Variants in MXRA5 observed in about 807,000 individuals in gnomAD.
The protein encoded by MXRA5 is matrix remodeling associated 5.
A neutral mutation model predicts 112.5 loss-of-function variants in MXRA5; 41 were observed. That is an observed-to-expected ratio of 0.36 (90% CI 0.28 to 0.47). MXRA5 has a LOEUF of 0.47. Among genes scored for constraint, MXRA5 ranks in the 20% least tolerant of loss-of-function variants. MXRA5 has a pLI of 0.99. For missense variants in MXRA5, 2,150 were observed against 2,251.0 expected, an observed-to-expected ratio of 0.96 and a Z score of 0.91; for synonymous variants, 862 against 900.8, an observed-to-expected ratio of 0.96 and a Z score of 0.77.
chrX:3,312,647 G>A (rs1275885617), intron 6 of MXRA5, among the ~76,000 whole-genome samples: 1 of 107,028 alleles, frequency 9.3e-6, no homozygotes, highest in Non-Finnish European at 1.9e-5. Context: ...CTGTAGTCTC[G>A]ATCTCTTGGA....
Position 3,311,203 on chromosome X carries a change from C to T in MXRA5, c.7000G>A (p.Glu2334Lys), listed in dbSNP as rs982794710. 35 of 1,209,949 alleles carry T rather than the reference C, an allele frequency of 2.9e-5. No individual in the cohort carries two copies. The highest frequency in any genetic ancestry group is 3.5e-5 in the Non-Finnish European group (31 of 895,302). The change falls in exon 7 of 7, where the codon GAG becomes AAG. Residue 2334 changes from glutamate to lysine, a missense_variant. By Grantham distance (56) the Glu-to-Lys change is moderately conservative. Coordinates refer to ENST00000217939, the MANE Select transcript of MXRA5 (RefSeq NM_015419.4). Reference sequence around the variant, plus strand: ...ACCACCTTGACTCTGACTCTCATCTCGTCCTTCCCGACCTGATTTTCAGCA... The same window carrying T: ...ACCACCTTGACTCTGACTCTCATCTTGTCCTTCCCGACCTGATTTTCAGCA... ...CFAENQVGKD[E>K]MRVRVKVVTA... is the part of the protein sequence containing the mutation.
Position 3,321,603 on chromosome X carries a change from G to A in MXRA5, c.4082C>T (p.Thr1361Ile). Residue 1361 changes from threonine (T) to isoleucine (I), a missense_variant, in exon 5 of 7, where the codon ACT becomes ATT. Coordinates refer to ENST00000217939, the MANE Select transcript of MXRA5 (RefSeq NM_015419.4). ...GGATTCTTCCTTAAATTCTCCCATA[G>A]TGGAGACCAAGGAGCGAGAAGTTGG... ...AIPTSRSLVS[T>I]MGEFKEESSP... 8.3e-7 allele frequency: 1 copy of A among 1,210,821 alleles called. No individual in the cohort carries two copies. The highest frequency in any genetic ancestry group is 1.1e-6 in the Non-Finnish European group (1 of 894,950).
rs1230895659 is a variant in MXRA5 at position 3,317,317 on chromosome X, A to G, written c.6364T>C (p.Cys2122Arg). The G allele has an allele frequency of 3.3e-6, 4 of 1,205,572 alleles. No individual in the cohort carries two copies. The highest frequency in any genetic ancestry group is 2.2e-5 in the Admixed American group (1 of 45,712). The part of the protein sequence containing the change: ...LAPKDSGRYE[C>R]VAANLVGSAR... ...GAGCCTACCAGGTTGGCGGCCACGC[A>G]CTCATAGCGCCCGCTGTCCTTGGGC... The change falls in exon 6 of 7, where the codon TGC becomes CGC. Residue 2122 changes from cysteine to arginine, a missense_variant. Cys to Arg is a radical substitution (Grantham distance 180, BLOSUM62 -3). Around this residue, in one of 6 missense-constraint regions of MXRA5, gnomAD observed 1,485 missense variants for 1,471.6 expected, o/e 1.01. Transcript: ENST00000217939.
intron 4 of MXRA5, among the ~76,000 whole-genome samples, chrX:3,326,684 G>A (rs1335720224): frequency 1.8e-5 from 2 of 109,941 alleles, no homozygotes; most frequent in African/African-American, 6.6e-5. Context: ...GAAATCCTCT[G>A]GAATTTTCTC....
Position 3,330,132 on chromosome X carries a change from G to A in MXRA5, c.595C>T (p.Pro199Ser), listed in dbSNP as rs1177020975. The A allele has an allele frequency of 8.3e-7, 1 of 1,209,600 alleles. No individual in the cohort carries two copies. The highest frequency in any genetic ancestry group is 1.1e-6 in the Non-Finnish European group (1 of 894,374). The change falls in exon 4 of 7, where the codon CCT becomes TCT. Residue 199 changes from proline to serine, a missense_variant. This residue lies in a region of MXRA5 where 386 missense variants were observed against 411.0 expected (regional missense o/e 0.94). Transcript: ENST00000217939. ...YLAENMVRTL[P>S]ASMLRNMPLL... ...GGCATGTTCCGAAGCATGCTGGCAGGAAGAGTTCTAACCATGTTCTCTGCT... is the reference window on the plus strand; with the variant it reads ...GGCATGTTCCGAAGCATGCTGGCAGAAAGAGTTCTAACCATGTTCTCTGCT...
At chrX:3,327,948 T>C (rs976638607) in intron 4 of MXRA5, among the ~76,000 whole-genome samples, 17 of 112,897 alleles carry the variant, frequency 1.5e-4, no homozygotes, top group African/African-American at 4.8e-4. Flanking sequence ...CACAAAGACA[T>C]GCATGCGTAT....
rs934980312 is a variant in MXRA5 at position 3,324,461 on chromosome X, C to G, written c.1224G>C (p.Arg408Ser). The G allele has an allele frequency of 5.0e-6, 6 of 1,209,512 alleles. No individual in the cohort carries two copies. The highest frequency in any genetic ancestry group is 5.6e-6 in the Non-Finnish European group (5 of 895,117). ...SKDPRVSYQYRQDADEEALYY... is the reference protein window; with the variant it reads ...SKDPRVSYQYSQDADEEALYY... ...AAAGAGCTTCCTCATCAGCATCCTG[C>G]CTGTACTGGTAGCTGACTCTGGGGT... The change falls in exon 5 of 7, where the codon AGG (arginine) becomes AGC (serine). Residue 408 changes from arginine (R) to serine (S), a missense_variant. Arg to Ser is a moderately radical substitution (Grantham distance 110). Around this residue, in one of 6 missense-constraint regions of MXRA5, gnomAD observed 386 missense variants for 411.0 expected, o/e 0.94. Coordinates refer to ENST00000217939, the MANE Select transcript of MXRA5 (RefSeq NM_015419.4).
At chrX:3,327,644 C>A (rs1268537836) in intron 4 of MXRA5, among the ~76,000 whole-genome samples, 1 of 112,584 alleles carries the variant, frequency 8.9e-6, no homozygotes, top group Non-Finnish European at 1.9e-5. Context: ...TGATGAGAAT[C>A]AGCTCTAATA....
At chrX:3,346,194 C>G (rs1922104284) in intron 1 of MXRA5, among the ~76,000 whole-genome samples, 1 of 111,762 alleles carries the variant, frequency 8.9e-6, no homozygotes, top group African/African-American at 3.3e-5. Context: ...GGTTGAAGGT[C>G]TCCAGAGAGA....
At position 3,311,058 on chromosome X, in the gene MXRA5, G is replaced by C; in HGVS notation, c.7145C>G (p.Ser2382Cys). Reference protein sequence around the residue: ...GEPMPKVTWLSPTNKVIPTSS... With the variant: ...GEPMPKVTWLCPTNKVIPTSS... ...GGTGGGGATCACCTTGTTGGTTGGG[G>C]ACAACCAAGTCACCTTGGGCATGGG... Residue 2382 changes from serine to cysteine, a missense_variant, in exon 7 of 7, where the codon TCC becomes TGC. By Grantham distance (112) the Ser-to-Cys change is moderately radical. Transcript: ENST00000217939. 1.7e-6 allele frequency: 2 copies of C among 1,211,372 alleles called. No homozygotes were observed. Among genetic ancestry groups the C allele is most frequent in the Non-Finnish European group, 2.2e-6 (2 of 895,366 alleles).
Position 3,324,644 on chromosome X carries a change from C to A in MXRA5, c.1041G>T (p.Leu347Phe), listed in dbSNP as rs1479185196. Reference sequence around the variant, plus strand: ...CAATATCTGGAGGATCCGTTTGGTTCAAGTGAATCTTGTACACATCCATTG... The same window carrying A: ...CAATATCTGGAGGATCCGTTTGGTTAAAGTGAATCTTGTACACATCCATTG... ...KKPMDVYKIH[L>F]NQTDPPDIDI... Residue 347 changes from leucine (L) to phenylalanine (F), a missense_variant, in exon 5 of 7, where the codon TTG becomes TTT. Physicochemically the swap from Leu to Phe is conservative, Grantham distance 22. This residue lies in a region of MXRA5 where 386 missense variants were observed against 411.0 expected (regional missense o/e 0.94). Coordinates refer to ENST00000217939, the MANE Select transcript of MXRA5 (RefSeq NM_015419.4). The A allele has an allele frequency of 4.1e-6, 5 of 1,210,844 alleles. No individual in the cohort carries two copies. The highest frequency in any genetic ancestry group is 2.3e-4 in the Middle Eastern group (1 of 4,350).
At chrX:3,311,859 G>C (rs1242360475) in intron 6 of MXRA5, among the ~76,000 whole-genome samples, 2 of 112,303 alleles carry the variant, frequency 1.8e-5, no homozygotes, top group African/African-American at 6.5e-5. Flanking sequence ...ATGGGTTCAA[G>C]GACATGAAAT....
At chrX:3,341,278 T>C (rs1406934580) in intron 2 of MXRA5, among the ~76,000 whole-genome samples, 1 of 48,467 alleles carries the variant, frequency 2.1e-5, no homozygotes, top group Admixed American at 4.2e-4. Flanking sequence ...ATATATAATA[T>C]ATAATTAATA....
At chrX:3,341,065 T>C (rs866357335) in intron 2 of MXRA5, among the ~76,000 whole-genome samples, 1 of 70,961 alleles carries the variant, frequency 1.4e-5, no homozygotes, top group Admixed American at 2.2e-4. Flanking sequence ...TATTATATAT[T>C]ATATAATATA....
At chrX:3,319,973 CAAAA>C in intron 5 of MXRA5, 31 bp downstream of exon 5, 1 of 884,876 alleles carries the variant, frequency 1.1e-6, no homozygotes, top group Non-Finnish European at 1.5e-6. Flanking sequence ...AAAAATTGAC[CAAAA>C]AAAAAAAAAG....
intron 4 of MXRA5, among the ~76,000 whole-genome samples, chrX:3,325,847 A>ATTATAATTTATAATATATAATTTATAATT (rs376002653): frequency 3.4e-5 from 2 of 58,943 alleles, no homozygotes; most frequent in East Asian, 5.7e-4. Context: ...TTTATTCATA[A>ATTATAATTTATAATATATAATTTATAATT]ATAATTTATA....
At chrX:3,339,034 G>A (rs1489715184) in intron 2 of MXRA5, among the ~76,000 whole-genome samples, 1 of 111,018 alleles carries the variant, frequency 9.0e-6, no homozygotes, top group Admixed American at 9.6e-5. Flanking sequence ...TCATACTAAA[G>A]CCATGGATAG....
chrX:3,326,858 C>T (rs1390979198), intron 4 of MXRA5, among the ~76,000 whole-genome samples: 1 of 111,267 alleles, frequency 9.0e-6, no homozygotes, highest in Non-Finnish European at 1.9e-5. Context: ...AATTACCATC[C>T]ACCCGCCAGT....
chrX:3,311,315 T>C lies in MXRA5; in HGVS notation c.6888A>G (p.Gly2296=). ...NSFMQSDDSG[G]RTKRYVVFNN... is the part of the protein sequence containing the mutation. ...TGAAGACGACATAGCGCTTGGTGCG[T>C]CCACCGCTGTCATCCGACTGCATGA... Residue 2296 remains glycine, a synonymous_variant, in exon 7 of 7, where the codon GGA becomes GGG. Coordinates refer to ENST00000217939, the MANE Select transcript of MXRA5 (RefSeq NM_015419.4). 2 of 1,211,671 alleles carry C rather than the reference T, an allele frequency of 1.7e-6. No homozygotes were observed. Among genetic ancestry groups the C allele is most frequent in the Non-Finnish European group, 2.2e-6 (2 of 895,453 alleles).
Sources: gnomAD v4.1 joint callset for allele counts (sites outside exome capture counted in the v4.1 genomes callset) on GRCh38, gnomAD v4.1.1 for gene constraint, gnomAD v4.1.1 regional missense constraint, MANE v1.5 for transcripts, NCBI Gene and HGNC (gene_info 2026-07-23, HGNC 2026-07-21) for gene names.